The following NDRG3 variants were observed in gnomAD, a reference collection of about 807,000 sequenced individuals.
The protein encoded by NDRG3 is protein NDRG3.
Under a neutral mutation model 57.2 loss-of-function variants are expected in NDRG3, and 23 were observed. The observed-to-expected ratio is 0.40, with a 90% CI of 0.29 to 0.57. NDRG3 has a LOEUF of 0.57. NDRG3 is among the 20% of genes least tolerant of loss of function. NDRG3 has a pLI of 0.42. For synonymous variants in NDRG3, 132 were observed against 162.6 expected, an observed-to-expected ratio of 0.81 and a Z score of 1.43; for missense variants, 384 against 457.3, an observed-to-expected ratio of 0.84 and a Z score of 1.46.
intron 8 of NDRG3, among the ~76,000 whole-genome samples, chr20:36,673,438 G>C (rs1402889568): frequency 2.6e-5 from 4 of 151,454 alleles, no homozygotes; most frequent in African/African-American, 7.3e-5. Flanking sequence ...TCGTTCTCTT[G>C]TTCTATCACC....
chr20:36,714,195 C>G (rs918082595), intron 2 of NDRG3, among the ~76,000 whole-genome samples: 4 of 151,756 alleles, frequency 2.6e-5, no homozygotes, highest in Admixed American at 2.6e-4. Context: ...TCGAGACCAG[C>G]CTGCCAAGAG....
chr20:36,698,508 T>G (rs978739016), intron 3 of NDRG3, among the ~76,000 whole-genome samples: 1 of 151,864 alleles, frequency 6.6e-6, no homozygotes, highest in African/African-American at 2.4e-5. Flanking sequence ...GGAAAATCAC[T>G]TGAGCTACAG....
At chr20:36,719,238 C>T (rs1248921055) in intron 2 of NDRG3, among the ~76,000 whole-genome samples, 2 of 151,934 alleles carry the variant, frequency 1.3e-5, no homozygotes, top group African/African-American at 4.8e-5. Context: ...ACCATCCTGG[C>T]CAACATGGTG....
At chr20:36,731,186 A>C (rs1350204252) in intron 1 of NDRG3, among the ~76,000 whole-genome samples, 1 of 152,206 alleles carries the variant, frequency 6.6e-6, no homozygotes, top group Non-Finnish European at 1.5e-5. Flanking sequence ...CGACCACCAA[A>C]CCAGAGATAA....
chr20:36,666,630 T>C (rs1979659369), intron 9 of NDRG3, among the ~76,000 whole-genome samples: 1 of 152,104 alleles, frequency 6.6e-6, no homozygotes, highest in African/African-American at 2.4e-5. Context: ...TGGATTCAAG[T>C]ACTAGCTGTG....
intron 3 of NDRG3, among the ~76,000 whole-genome samples, chr20:36,703,093 T>C (rs1013505992): frequency 6.6e-6 from 1 of 152,182 alleles, no homozygotes; most frequent in Non-Finnish European, 1.5e-5. Context: ...TCTTTATTTT[T>C]ATGCTTTTCT....
chr20:36,674,012 G>A lies in NDRG3; in HGVS notation c.532-2615C>T, dbSNP rs905544035. Among the ~76,000 whole-genome samples the A allele has an allele frequency of 4.1e-4, 63 of 151,976 alleles. 2 individuals carry two copies. The highest frequency in any genetic ancestry group is 2.5e-3 in the South Asian group (12 of 4,802). On this transcript the variant is annotated intron_variant, in intron 8 of 15. Transcript: ENST00000349004. Reference sequence around the variant, plus strand: ...CCAGCTACTCAGGAGGCTGAGGCAGGAGAATCACTTGAACCTGGGAGATAG... The same window carrying A: ...CCAGCTACTCAGGAGGCTGAGGCAGAAGAATCACTTGAACCTGGGAGATAG...
chr20:36,730,366 C>T (rs370653112), intron 1 of NDRG3, among the ~76,000 whole-genome samples: 2 of 151,886 alleles, frequency 1.3e-5, no homozygotes, highest in African/African-American at 2.4e-5. Flanking sequence ...GCAATCCTCC[C>T]GCCTCAGCCT....
chr20:36,679,987 A>C (rs1981114048), intron 8 of NDRG3, among the ~76,000 whole-genome samples: 1 of 145,404 alleles, frequency 6.9e-6, no homozygotes, highest in Non-Finnish European at 1.5e-5. Context: ...ACCACACCCG[A>C]CTAATTTTGT....
chr20:36,728,971 C>T (rs545995753), intron 1 of NDRG3, among the ~76,000 whole-genome samples: 18 of 152,240 alleles, frequency 1.2e-4, no homozygotes, highest in Non-Finnish European at 1.0e-4. Flanking sequence ...ATCCGCCGAC[C>T]TCAGCCTCCC....
chr20:36,737,855 G>A (rs1458002045), intron 1 of NDRG3, among the ~76,000 whole-genome samples: 3 of 152,132 alleles, frequency 2.0e-5, no homozygotes, highest in Admixed American at 6.6e-5. Context: ...TGAGGTGGGC[G>A]GAGTTTGAGA....
At position 36,653,671 on chromosome 20, in the gene NDRG3, C is replaced by G. The variant is rs763972530; in HGVS notation, c.977G>C (p.Arg326Pro). The G allele has an allele frequency of 6.2e-7, 1 of 1,613,754 alleles. No homozygotes were observed. Residue 326 changes from arginine to proline, a missense_variant, in exon 16 of 16, where the codon CGA becomes CCA. By Grantham distance (103) the Arg-to-Pro change is moderately radical (BLOSUM62 -2). Coordinates refer to ENST00000349004, the MANE Select transcript of NDRG3 (RefSeq NM_032013.4). The surrounding 1 kb of genome is among the most constrained non-coding windows in gnomAD (Gnocchi z 4.2). ...ACTCGAGGTTGAGTGGGTTCGTGAT[C>G]GGGCGAGCCGAGTCATGCTGGCAGA... ...IPSASMTRLARSRTHSTSSSL... is the reference protein window; with the variant it reads ...IPSASMTRLAPSRTHSTSSSL...
At chr20:36,674,162 T>C (rs563691515) in intron 8 of NDRG3, among the ~76,000 whole-genome samples, 2 of 152,134 alleles carry the variant, frequency 1.3e-5, no homozygotes, top group Admixed American at 6.6e-5. Context: ...ACTACATAGG[T>C]GTTACCTTTT....
At chr20:36,735,176 G>A (rs1486515371) in intron 1 of NDRG3, among the ~76,000 whole-genome samples, 4 of 152,060 alleles carry the variant, frequency 2.6e-5, no homozygotes, top group Non-Finnish European at 4.4e-5. Flanking sequence ...CATATCACAC[G>A]TTTAACAGTA....
At chr20:36,702,966 G>C (rs1402715945) in intron 3 of NDRG3, among the ~76,000 whole-genome samples, 1 of 151,852 alleles carries the variant, frequency 6.6e-6, no homozygotes, top group Non-Finnish European at 1.5e-5. Flanking sequence ...TTACAGTTGT[G>C]AGCCACCAGA....
chr20:36,739,985 A>G (rs1049874218), intron 1 of NDRG3, among the ~76,000 whole-genome samples: 7 of 151,924 alleles, frequency 4.6e-5, no homozygotes, highest in Non-Finnish European at 1.0e-4. Context: ...AAGTATAAAG[A>G]GTGGCTATAT....
intron 3 of NDRG3, chr20:36,700,447 T>C: frequency 1.9e-6 from 1 of 532,750 alleles, no homozygotes; most frequent in South Asian, 1.4e-5. Context: ...CCATGGTGAT[T>C]GGCATGCATA....
chr20:36,684,360 T>C, intron 6 of NDRG3, 53 bp downstream of exon 6: 2 of 1,433,882 alleles, frequency 1.4e-6, no homozygotes, highest in Non-Finnish European at 2.0e-6. Flanking sequence ...CACTAAATAA[T>C]TCACCATAGA....
intron 9 of NDRG3, among the ~76,000 whole-genome samples, chr20:36,669,377 G>A (rs1017313304): frequency 9.3e-3 from 1 of 108 alleles, no homozygotes; most frequent in Non-Finnish European, 0.02. Context: ...CTACAGGCGC[G>A]TGCACCACAC....
Sources: allele counts gnomAD v4.1 joint callset (sites outside exome capture counted in the v4.1 genomes callset), GRCh38; gene constraint gnomAD v4.1.1; non-coding constraint Gnocchi (gnomAD v3.1); transcripts MANE v1.5; gene names NCBI Gene and HGNC (gene_info 2026-07-23, HGNC 2026-07-21).